Variants in ACOXL observed in about 807,000 individuals in gnomAD.
The protein encoded by ACOXL is acyl-CoA oxidase like.
ACOXL carries 70 observed loss-of-function variants against 71.9 expected under a neutral mutation model. That is an observed-to-expected ratio of 0.97 (90% CI 0.80 to 1.19). ACOXL has a LOEUF of 1.19. ACOXL is among the 50% of genes most tolerant of loss of function. ACOXL has a pLI of 0.00. For synonymous variants in ACOXL, 253 were observed against 281.6 expected (o/e 0.90, Z 1.02); for missense variants, 703 against 736.3 (o/e 0.95, Z 0.52).
At chr2:110,911,769 A>G (rs1051771564) in intron 11 of ACOXL, among the ~76,000 whole-genome samples, 15 of 152,094 alleles carry the variant, frequency 9.9e-5, no homozygotes, top group Non-Finnish European at 1.6e-4. Context: ...TGTAATGGTG[A>G]AAGATTGAAT....
At chr2:110,856,160 T>C (rs1233902943) in intron 10 of ACOXL, among the ~76,000 whole-genome samples, 1 of 152,174 alleles carries the variant, frequency 6.6e-6, no homozygotes, top group East Asian at 1.9e-4. Context: ...AGCTACAGAA[T>C]GCTAATTGGT....
chr2:110,886,922 C>T, intron 10 of ACOXL: 1 of 1,529,802 alleles, frequency 6.5e-7, no homozygotes, highest in African/African-American at 1.4e-5. Flanking sequence ...CTTAACTGTT[C>T]TGGGTTTTCC....
chr2:110,965,997 A>T (rs2061910670), intron 12 of ACOXL, among the ~76,000 whole-genome samples: 1 of 152,276 alleles, frequency 6.6e-6, no homozygotes, highest in Non-Finnish European at 1.5e-5. Flanking sequence ...GGTGATACCC[A>T]TGCTACACCA....
At chr2:110,935,828 A>C (rs961483480) in intron 12 of ACOXL, among the ~76,000 whole-genome samples, 1 of 148,704 alleles carries the variant, frequency 6.7e-6, no homozygotes, top group South Asian at 2.2e-4. Context: ...GTTTCGTGGA[A>C]GACAATTTTT....
intron 10 of ACOXL, among the ~76,000 whole-genome samples, chr2:110,863,165 T>C (rs1254890376): frequency 1.3e-5 from 2 of 152,226 alleles, no homozygotes; most frequent in East Asian, 3.8e-4. Flanking sequence ...TCTCCATTAT[T>C]CATAATATAC....
chr2:111,017,829 G>C (rs2064534241), intron 14 of ACOXL: 2 of 152,132 alleles, frequency 1.3e-5, no homozygotes, highest in African/African-American at 4.8e-5. Flanking sequence ...TTTGGTTAGT[G>C]GTATTGTAGT....
intron 11 of ACOXL, among the ~76,000 whole-genome samples, chr2:110,917,502 G>A (rs1348800017): frequency 6.6e-6 from 1 of 151,968 alleles, no homozygotes; most frequent in Non-Finnish European, 1.5e-5. Flanking sequence ...ACAAGACAAG[G>A]ATGCCCTCTC....
At chr2:110,827,922 T>C (rs879422661) in intron 9 of ACOXL, among the ~76,000 whole-genome samples, 2 of 152,234 alleles carry the variant, frequency 1.3e-5, no homozygotes, top group African/African-American at 4.8e-5. Flanking sequence ...CGATTTTTAA[T>C]GGCAACAAAA....
At chr2:110,916,643 CA>C (rs928355897) in intron 11 of ACOXL, among the ~76,000 whole-genome samples, 1 of 151,768 alleles carries the variant, frequency 6.6e-6, no homozygotes, top group African/African-American at 2.4e-5. Flanking sequence ...AAAAAATTAA[CA>C]AAATAGATAG....
At chr2:110,976,164 C>T (rs532912199) in intron 12 of ACOXL, among the ~76,000 whole-genome samples, 30 of 152,284 alleles carry the variant, frequency 2.0e-4, no homozygotes, top group African/African-American at 6.5e-4. Context: ...GCTGAAAAAA[C>T]GTGGGATTAT....
chr2:111,110,749 T>G (rs951089933), intron 17 of ACOXL, among the ~76,000 whole-genome samples: 1 of 152,248 alleles, frequency 6.6e-6, no homozygotes, highest in African/African-American at 2.4e-5. Flanking sequence ...TTATGTATAG[T>G]GCTTTTCAGT....
At chr2:111,112,534 G>GT (rs1235567854) in intron 17 of ACOXL, among the ~76,000 whole-genome samples, 2 of 152,250 alleles carry the variant, frequency 1.3e-5, no homozygotes, top group Non-Finnish European at 2.9e-5. Flanking sequence ...TTTACAGAAT[G>GT]TTTGTCTAAA....
At chr2:111,052,549 G>A (rs2066345889) in intron 16 of ACOXL, among the ~76,000 whole-genome samples, 1 of 152,014 alleles carries the variant, frequency 6.6e-6, no homozygotes, top group Non-Finnish European at 1.5e-5. Flanking sequence ...GGTACCCAAG[G>A]GTAAGATAGC....
At chr2:110,900,995 G>A (rs551552079) in intron 10 of ACOXL, among the ~76,000 whole-genome samples, 27 of 152,338 alleles carry the variant, frequency 1.8e-4, no homozygotes, top group Admixed American at 1.3e-4. Flanking sequence ...CCCTCAGCTT[G>A]TGGGAGGAGG....
chr2:111,058,029 G>C, intron 16 of ACOXL, among the ~76,000 whole-genome samples: 1 of 152,204 alleles, frequency 6.6e-6, no homozygotes, highest in Non-Finnish European at 1.5e-5. Flanking sequence ...CATTTCCTCT[G>C]TGCACAGCTC....
intron 11 of ACOXL, among the ~76,000 whole-genome samples, chr2:110,932,121 A>G (rs888067233): frequency 1.3e-5 from 2 of 152,236 alleles, no homozygotes; most frequent in African/African-American, 2.4e-5. Flanking sequence ...ACAAATATAT[A>G]TTGTAATGTG....
intron 9 of ACOXL, among the ~76,000 whole-genome samples, chr2:110,816,176 G>GATGGATAGATGGATGA (rs1250282007): frequency 1.3e-5 from 2 of 151,924 alleles, no homozygotes; most frequent in African/African-American, 4.8e-5. Flanking sequence ...TGGACGGATG[G>GATGGATAGATGGATGA]ATGGATAGAT....
chr2:110,893,821 A>G (rs1574021077), intron 10 of ACOXL, among the ~76,000 whole-genome samples: 1 of 152,102 alleles, frequency 6.6e-6, no homozygotes, highest in Non-Finnish European at 1.5e-5. Context: ...TGACATTGAG[A>G]TGTCTGTAAT....
intron 12 of ACOXL, among the ~76,000 whole-genome samples, chr2:110,961,097 C>A (rs567094294): frequency 2.0e-5 from 3 of 152,216 alleles, no homozygotes; most frequent in African/African-American, 7.2e-5. Flanking sequence ...TGGGAAGCAA[C>A]ATGACAACCA....
Sources: gnomAD v4.1 joint callset for allele counts (sites outside exome capture counted in the v4.1 genomes callset) on GRCh38, gnomAD v4.1.1 for gene constraint, MANE v1.5 for transcripts, NCBI Gene and HGNC (gene_info 2026-07-23, HGNC 2026-07-21) for gene names.